CACNA1E: variants seen among roughly 807,000 people sequenced by gnomAD.
CACNA1E encodes the protein voltage-dependent R-type calcium channel subunit alpha-1E.
In CACNA1E, 40 loss-of-function variants were observed where a neutral mutation model predicts 259.2. The observed-to-expected ratio is 0.15, with a 90% CI of 0.12 to 0.20. The LOEUF (loss-of-function observed/expected upper bound fraction) is 0.20. CACNA1E is among the 10% of genes least tolerant of loss of function. CACNA1E has a pLI of 1.00. For synonymous variants in CACNA1E, 1,104 were observed against 1,138.5 expected (o/e 0.97, Z 0.61); for missense variants, 1,874 against 3,040.1 (o/e 0.62, Z 9.02).
chr1:181,355,304 C>G (rs1210042765), intron 1 of CACNA1E, among the ~76,000 whole-genome samples: 1 of 152,150 alleles, frequency 6.6e-6, no homozygotes. Flanking sequence ...ACAATGAGTA[C>G]AGGCCGGGCA....
intron 2 of CACNA1E, among the ~76,000 whole-genome samples, chr1:181,444,327 T>TC (rs1660674706): frequency 1.0e-5 from 1 of 100,098 alleles, no homozygotes; most frequent in Admixed American, 1.0e-4. Flanking sequence ...GACTGTGCTA[T>TC]TAAAAAAAAA....
rs1659982281 is a variant in CACNA1E at position 181,776,429 on chromosome 1, T to G, written c.5267+201T>G. Reference sequence around the variant, plus strand: ...TCTGTATCCTCCTTTCCCCTCTCTTTCCTTCTGTGACAGGGTTTTCCCTTT... The same window carrying G: ...TCTGTATCCTCCTTTCCCCTCTCTTGCCTTCTGTGACAGGGTTTTCCCTTT... On this transcript the variant is annotated intron_variant, in intron 38 of 47. Transcript: ENST00000367573. This position sits in a 1 kb window ranked among gnomAD's most constrained non-coding sequence, Gnocchi z 4.4. 1 of 557,346 alleles carries G rather than the reference T, an allele frequency of 1.8e-6. No individual in the cohort carries two copies. The highest frequency in any genetic ancestry group is 3.2e-6 in the Non-Finnish European group (1 of 311,728). 34.5% of individuals were successfully genotyped at this position (557,346 alleles called of 1,614,324 possible).
chr1:181,500,278 C>T (rs1665130442), intron 1 of CACNA1E, among the ~76,000 whole-genome samples: 2 of 152,222 alleles, frequency 1.3e-5, no homozygotes, highest in South Asian at 2.1e-4. Context: ...GCCTTAACAT[C>T]CTTGACACTC....
intron 39 of CACNA1E, among the ~76,000 whole-genome samples, chr1:181,781,745 T>C (rs1259576651): frequency 2.6e-5 from 4 of 152,208 alleles, no homozygotes; most frequent in Admixed American, 2.0e-4. Flanking sequence ...TGGTTTTTTA[T>C]GTGATATTTT....
Position 181,739,141 on chromosome 1 carries a change from C to T in CACNA1E, c.3613-6C>T. The T allele has an allele frequency of 6.4e-7, 1 of 1,567,980 alleles. No homozygotes were observed. The highest frequency in any genetic ancestry group is 8.8e-7 in the Non-Finnish European group (1 of 1,137,886). Reference sequence around the variant, plus strand: ...GCTCACTGTGGCTGTTCATATCCTTCTGCAGATGATAGACCAAGGCTTGAT... The same window carrying T: ...GCTCACTGTGGCTGTTCATATCCTTTTGCAGATGATAGACCAAGGCTTGAT... On this transcript the variant is annotated splice_region_variant and splice_polypyrimidine_tract_variant and intron_variant, in intron 24 of 47. Transcript: ENST00000367573.
At chr1:181,464,823 G>C (rs1004729577) in intron 2 of CACNA1E, among the ~76,000 whole-genome samples, 1 of 151,918 alleles carries the variant, frequency 6.6e-6, no homozygotes, top group African/African-American at 2.4e-5. Context: ...GACTTAGTCC[G>C]TGTTCCCTGT....
At chr1:181,750,657 C>A (rs1657512539) in intron 26 of CACNA1E, among the ~76,000 whole-genome samples, 170 bp downstream of exon 26, 1 of 152,118 alleles carries the variant, frequency 6.6e-6, no homozygotes, top group African/African-American at 2.4e-5. Context: ...GGGAAATGGT[C>A]ATTCTTATTG....
chr1:181,692,098 C>T (rs1291074911), intron 7 of CACNA1E, among the ~76,000 whole-genome samples: 1 of 152,074 alleles, frequency 6.6e-6, no homozygotes, highest in Non-Finnish European at 1.5e-5. Flanking sequence ...AGCAATACAT[C>T]TGCCAAGGAG....
At chr1:181,706,535 G>A (rs1652818292) in intron 7 of CACNA1E, among the ~76,000 whole-genome samples, 1 of 152,142 alleles carries the variant, frequency 6.6e-6, no homozygotes, top group East Asian at 1.9e-4. Context: ...CTTGACTAAC[G>A]CTATGAATTT....
intron 1 of CACNA1E, among the ~76,000 whole-genome samples, chr1:181,372,712 C>T (rs1277705679): frequency 6.6e-6 from 1 of 151,788 alleles, no homozygotes; most frequent in Non-Finnish European, 1.5e-5. Context: ...TTTGCTCATT[C>T]AGTAAGATGC....
At chr1:181,636,957 G>C (rs1305358436) in intron 6 of CACNA1E, among the ~76,000 whole-genome samples, 2 of 152,202 alleles carry the variant, frequency 1.3e-5, no homozygotes, top group Admixed American at 1.3e-4. Context: ...TCTCCAAAGA[G>C]GCTGCCCTCT....
At chr1:181,766,235 G>A (rs1345676699) in intron 34 of CACNA1E, among the ~76,000 whole-genome samples, 1 of 152,168 alleles carries the variant, frequency 6.6e-6, no homozygotes, top group Non-Finnish European at 1.5e-5. Flanking sequence ...TGGCAAGTGG[G>A]ATGAACCCCA....
intron 3 of CACNA1E, among the ~76,000 whole-genome samples, chr1:181,565,030 C>T (rs1649682012): frequency 6.6e-6 from 1 of 152,000 alleles, no homozygotes; most frequent in African/African-American, 2.4e-5. Flanking sequence ...TTTTTAAGGG[C>T]CCTAGGATTT....
At chr1:181,632,737 CT>C (rs5779110) in intron 6 of CACNA1E, among the ~76,000 whole-genome samples, 17,328 of 152,058 alleles carry the variant, frequency 0.11, 1,319 homozygotes, top group African/African-American at 0.21. Context: ...TTTGTACCCC[CT>C]GGACCCATGC....
At chr1:181,436,070 C>T (rs77022593) in intron 2 of CACNA1E, among the ~76,000 whole-genome samples, 1 of 152,170 alleles carries the variant, frequency 6.6e-6, no homozygotes, top group Non-Finnish European at 1.5e-5. Flanking sequence ...CCTGAACAGA[C>T]ATTTCTCAAA....
intron 6 of CACNA1E, among the ~76,000 whole-genome samples, chr1:181,647,102 C>T (rs929780239): frequency 3.3e-5 from 5 of 152,122 alleles, no homozygotes; most frequent in African/African-American, 1.2e-4. Flanking sequence ...CATCAGTGCT[C>T]CATGTAAGAG....
chr1:181,746,411 T>C (rs1657091426), intron 25 of CACNA1E, among the ~76,000 whole-genome samples: 1 of 152,254 alleles, frequency 6.6e-6, no homozygotes, highest in South Asian at 2.1e-4. Context: ...GACTAGTAAA[T>C]AGCAAAGCCA....
At chr1:181,689,152 C>A (rs1650882044) in intron 7 of CACNA1E, among the ~76,000 whole-genome samples, 1 of 152,028 alleles carries the variant, frequency 6.6e-6, no homozygotes, top group Admixed American at 6.6e-5. Flanking sequence ...CCTTGACAGG[C>A]CCCGGTGTGT....
At position 181,718,036 on chromosome 1, in the gene CACNA1E, C is replaced by A; in HGVS notation, c.1526-19C>A. ...CCACCCCACATGTGGAACCAATGCT[C>A]TACTTTTAATACTTCCAGACTATGC... is the stretch of plus-strand genomic sequence containing the variant. On this transcript the variant is annotated intron_variant, in intron 11 of 47. Transcript: ENST00000367573. The A allele has an allele frequency of 7.8e-7, 1 of 1,280,924 alleles. No homozygotes were observed. The highest frequency in any genetic ancestry group is 1.2e-5 in the South Asian group (1 of 82,362). 79.3% of individuals were successfully genotyped at this position (1,280,924 alleles called of 1,614,324 possible).
Sources: allele counts gnomAD v4.1 joint callset (sites outside exome capture counted in the v4.1 genomes callset), GRCh38; gene constraint gnomAD v4.1.1; non-coding constraint Gnocchi (gnomAD v3.1); transcripts MANE v1.5; gene names NCBI Gene and HGNC (gene_info 2026-07-23, HGNC 2026-07-21).